DCAF13: variants seen among roughly 807,000 people sequenced by gnomAD.
DCAF13 encodes the protein DDB1- and CUL4-associated factor 13.
Under a neutral mutation model 59.0 loss-of-function variants are expected in DCAF13, and 38 were observed. The observed-to-expected ratio is 0.64, with a 90% CI of 0.50 to 0.84. The LOEUF is 0.84. DCAF13 is among the 40% of genes least tolerant of loss of function. DCAF13 has a pLI of 0.00. For synonymous variants in DCAF13, 173 were observed against 175.0 expected (o/e 0.99, Z 0.09); for missense variants, 469 against 558.4 (o/e 0.84, Z 1.61).
chr8:103,431,125 G>A (rs906348132), intron 6 of DCAF13, among the ~76,000 whole-genome samples: 1 of 152,136 alleles, frequency 6.6e-6, no homozygotes, highest in Non-Finnish European at 1.5e-5. Flanking sequence ...TATTTGTTCA[G>A]TTACATGCTG....
Position 103,443,186 on chromosome 8 carries a change from T to A in DCAF13, c.*304T>A, listed in dbSNP as rs1213490727. 1.1e-5 allele frequency: 2 copies of A among 188,470 alleles called. No individual in the cohort carries two copies. The highest frequency in any genetic ancestry group is 2.2e-5 in the Non-Finnish European group (2 of 92,486). 11.7% of individuals were successfully genotyped at this position (188,470 alleles called of 1,614,324 possible). ...GATCTATTATTGTAGACACTATACA[T>A]TCAAATTGACATTTAAGACCAAACA... is the stretch of plus-strand genomic sequence containing the variant. On this transcript the variant is annotated 3_prime_UTR_variant, in exon 11 of 11. Transcript: ENST00000612750.
chr8:103,430,252 TGTG>T (rs896568623), intron 5 of DCAF13: 1 of 154,894 alleles, frequency 6.5e-6, no homozygotes, highest in Non-Finnish European at 1.4e-5. Flanking sequence ...ATTAGCCCGG[TGTG>T]GTGGCGCACC....
intron 3 of DCAF13, among the ~76,000 whole-genome samples, chr8:103,422,354 T>C (rs1314056939): frequency 6.6e-6 from 1 of 152,124 alleles, no homozygotes; most frequent in Non-Finnish European, 1.5e-5. Flanking sequence ...ATAGAACTAA[T>C]CATTGAAGCC....
At chr8:103,440,374 T>A in intron 9 of DCAF13, 103 bp downstream of exon 9, 1 of 1,011,112 alleles carries the variant, frequency 9.9e-7, no homozygotes, top group Non-Finnish European at 1.4e-6. Context: ...GTATTTTGAT[T>A]AAATTGACAT....
intron 9 of DCAF13, 160 bp downstream of exon 9, chr8:103,440,431 T>A (rs1816994864): frequency 1.8e-6 from 1 of 570,044 alleles, no homozygotes; most frequent in Non-Finnish European, 2.9e-6. Context: ...TATTGATAAT[T>A]ATTTGCTTCA....
chr8:103,439,324 A>T (rs780365237), intron 8 of DCAF13, among the ~76,000 whole-genome samples: 1 of 146,836 alleles, frequency 6.8e-6, no homozygotes, highest in Non-Finnish European at 1.5e-5. Context: ...CTTATCAGAC[A>T]CTTCTGTAGT....
At chr8:103,416,204 T>G (rs1472050134) in intron 1 of DCAF13, among the ~76,000 whole-genome samples, 6 of 152,190 alleles carry the variant, frequency 3.9e-5, no homozygotes, top group Non-Finnish European at 7.3e-5. Flanking sequence ...TGTCATTAGT[T>G]TGAATGAGGA....
At position 103,420,412 on chromosome 8, in the gene DCAF13, A is replaced by AAAGC; in HGVS notation, c.221_224dup (p.His75GlnfsTer15). On this transcript the variant is annotated frameshift_variant, in exon 2 of 11. Transcript: ENST00000612750. LOFTEE classifies it high-confidence loss of function. ...ACCGTGATGGAGTCAATTGCTTGGC[A>AAAGC]AAGCATCCAGAGAAGCTGGCTACTG... 1 of 1,614,154 alleles carries AAAGC rather than the reference A, an allele frequency of 6.2e-7. No homozygotes were observed. Among genetic ancestry groups the AAAGC allele is most frequent in the Non-Finnish European group, 8.5e-7 (1 of 1,180,024 alleles).
At position 103,417,010 on chromosome 8, in the gene DCAF13, T is replaced by C. The variant is rs188048267; in HGVS notation, c.70+1494T>C. On this transcript the variant is annotated intron_variant, in intron 1 of 10. Coordinates refer to ENST00000612750, the MANE Select transcript of DCAF13 (RefSeq NM_015420.7). ...GATGGATGAGACTGAAAATTAAATA[T>C]ATTAAATAAACGTGGCCAATTATGG... 2.0e-5 allele frequency among the ~76,000 whole-genome samples: 3 copies of C among 152,348 alleles called. No individual in the cohort carries two copies. The East Asian group carries it at 5.8e-4, about 29-fold the overall frequency.
intron 2 of DCAF13, 113 bp downstream of exon 2, chr8:103,420,576 C>T (rs1327724153): frequency 3.4e-5 from 39 of 1,143,250 alleles, no homozygotes; most frequent in Non-Finnish European, 4.6e-5. Flanking sequence ...ATTTACTTCT[C>T]AAGACTAAAT....
chr8:103,442,927 G>A lies in DCAF13; in HGVS notation c.*45G>A, dbSNP rs756595113. ...TGATGTATAATTATTTGTTACTTTT[G>A]ATTTGAGAACTCTACAAATAAAAGT... On this transcript the variant is annotated 3_prime_UTR_variant, in exon 11 of 11. Coordinates refer to ENST00000612750, the MANE Select transcript of DCAF13 (RefSeq NM_015420.7). 2 of 1,347,712 alleles carry A rather than the reference G, an allele frequency of 1.5e-6. No homozygotes were observed. Among genetic ancestry groups the A allele is most frequent in the South Asian group, 2.6e-5 (2 of 76,502 alleles). The allele number at this position is 1,347,712 out of a possible 1,614,324, so 83.5% of individuals were successfully genotyped here.
chr8:103,431,764 C>T (rs142531067), intron 6 of DCAF13, among the ~76,000 whole-genome samples: 87 of 152,238 alleles, frequency 5.7e-4, no homozygotes, highest in African/African-American at 2.0e-3. Context: ...TCTGCCCCCT[C>T]CCACCTACCT....
At chr8:103,434,496 T>C (rs952948798) in intron 7 of DCAF13, among the ~76,000 whole-genome samples, 5 of 152,128 alleles carry the variant, frequency 3.3e-5, no homozygotes, top group African/African-American at 1.2e-4. Flanking sequence ...TGTAAAGCAG[T>C]TGTCAATGTC....
At position 103,442,998 on chromosome 8, in the gene DCAF13, C is replaced by A; in HGVS notation, c.*116C>A. ...AAACATTTTAGTTATATGTGTAGAG[C>A]TTTATTGTTACTCCTTTTAGCTACC... is the stretch of plus-strand genomic sequence containing the variant. On this transcript the variant is annotated 3_prime_UTR_variant, in exon 11 of 11. Transcript: ENST00000612750. 1.6e-6 allele frequency: 1 copy of A among 643,654 alleles called. No homozygotes were observed. Among genetic ancestry groups the A allele is most frequent in the South Asian group, 2.9e-5 (1 of 34,692 alleles). The allele number at this position is 643,654 out of a possible 1,614,324, so 39.9% of individuals were successfully genotyped here. A position where few individuals can be genotyped will look rare whatever the true frequency, so the allele number is the denominator to read the frequency against.
chr8:103,428,425 A>G (rs774086841), intron 5 of DCAF13: 1 of 152,214 alleles, frequency 6.6e-6, no homozygotes, highest in Non-Finnish European at 1.5e-5. Context: ...GAGTTAAGTA[A>G]TTGCCACAGA....
rs770508219 is a variant in DCAF13, at chr8:103,441,552, A to G, written c.1184A>G (p.His395Arg). The change falls in exon 10 of 11, where the codon CAT (histidine) becomes CGT (arginine). Residue 395 changes from histidine to arginine, a missense_variant. Physicochemically the swap from His to Arg is conservative, Grantham distance 29 (BLOSUM62 0). This residue lies in a region of DCAF13 where 84 missense variants were observed against 92.3 expected (regional missense o/e 0.91). Transcript: ENST00000612750. Reference protein sequence around the residue: ...PHIKRIARHRHLPKSIYSQIQ... With the variant: ...PHIKRIARHRRLPKSIYSQIQ... The stretch of plus-strand genomic sequence containing the variant: ...ATAAAACGTATAGCTCGTCATCGAC[A>G]TCTACCAAAATCTATCTATAGCCAG... 6.2e-7 allele frequency: 1 copy of G among 1,607,988 alleles called. No homozygotes were observed. The highest frequency in any genetic ancestry group is 1.1e-5 in the South Asian group (1 of 89,242).
rs1215194589 is a variant in DCAF13, at chr8:103,415,533, G to A, written c.70+17G>A. The A allele has an allele frequency of 6.3e-7, 1 of 1,587,306 alleles. No individual in the cohort carries two copies. The highest frequency in any genetic ancestry group is 1.3e-5 in the African/African-American group (1 of 74,558). On this transcript the variant is annotated intron_variant, in intron 1 of 10. Transcript: ENST00000612750. ...TACAGAGAGGTAAGATAAGTTGGTA[G>A]GGAGAAAGGGACGGTTTCCGCAAGT...
chr8:103,415,414 A>T lies in DCAF13; in HGVS notation c.-33A>T. On this transcript the variant is annotated 5_prime_UTR_variant, in exon 1 of 11. Coordinates refer to ENST00000612750, the MANE Select transcript of DCAF13 (RefSeq NM_015420.7). ...GCGGTGGGCGGAACTCCTAGCGGAC[A>T]CCTCGTGGAGTCCGGCCGGAAGAGC... 3 of 1,614,100 alleles carry T rather than the reference A, an allele frequency of 1.9e-6. No homozygotes were observed. The highest frequency in any genetic ancestry group is 1.1e-5 in the South Asian group (1 of 91,080).
At chr8:103,431,544 T>A (rs762667636) in intron 6 of DCAF13, among the ~76,000 whole-genome samples, 1 of 152,224 alleles carries the variant, frequency 6.6e-6, no homozygotes, top group Non-Finnish European at 1.5e-5. Flanking sequence ...AAGTACCACT[T>A]ATATGATTTC....
Sources: gnomAD v4.1 joint callset for allele counts (sites outside exome capture counted in the v4.1 genomes callset) on GRCh38, gnomAD v4.1.1 for gene constraint, gnomAD v4.1.1 regional missense constraint, MANE v1.5 for transcripts, NCBI Gene and HGNC (gene_info 2026-07-23, HGNC 2026-07-21) for gene names.